The following AQP9 variants were observed in gnomAD, a reference collection of about 807,000 sequenced individuals.
The protein encoded by AQP9 is aquaporin 9, also known as aquaporin-9.
Under a neutral mutation model 23.8 loss-of-function variants are expected in AQP9, and 19 were observed. The observed-to-expected ratio is 0.80, with a 90% CI of 0.56 to 1.17. AQP9 has a LOEUF of 1.17. Ranked by LOEUF, AQP9 falls within the 50% of genes most tolerant of loss-of-function variation. The pLI, the probability that AQP9 is intolerant of heterozygous loss-of-function variation, is 0.00. For missense variants in AQP9, 413 were observed against 362.0 expected, an observed-to-expected ratio of 1.14 and a Z score of -1.14; for synonymous variants, 153 against 131.5, an observed-to-expected ratio of 1.16 and a Z score of -1.12.
intron 1 of AQP9, among the ~76,000 whole-genome samples, chr15:58,141,330 C>G (rs1477728533): frequency 1.3e-5 from 2 of 152,212 alleles, no homozygotes; most frequent in African/African-American, 2.4e-5. Context: ...GCTGTATTTC[C>G]TCCTGAGGTG....
At position 58,184,964 on chromosome 15, in the gene AQP9, G is replaced by C. The variant is rs1161320354; in HGVS notation, c.*829G>C. 6.6e-6 allele frequency: 1 copy of C among 152,132 alleles called. No individual in the cohort carries two copies. Among genetic ancestry groups the C allele is most frequent in the Non-Finnish European group, 1.5e-5 (1 of 68,022 alleles). The allele number at this position is 152,132 out of a possible 1,614,324, so 9.4% of individuals were successfully genotyped here. A position where few individuals can be genotyped will look rare whatever the true frequency, so the allele number is the denominator to read the frequency against. On this transcript the variant is annotated 3_prime_UTR_variant, in exon 6 of 6. Coordinates refer to ENST00000219919, the MANE Select transcript of AQP9 (RefSeq NM_020980.5). ...TTTCCTAATTGCCCACTTGAGAACA[G>C]ACATTTGACAAGTTATATCAACGAC... is the stretch of plus-strand genomic sequence containing the variant.
intron 1 of AQP9, among the ~76,000 whole-genome samples, chr15:58,163,337 A>G (rs1434095493): frequency 1.3e-5 from 2 of 152,198 alleles, no homozygotes; most frequent in African/African-American, 4.8e-5. Flanking sequence ...AAAAGTCTGT[A>G]GGCCTGCAGA....
At chr15:58,180,412 A>G (rs1323959498) in intron 5 of AQP9, among the ~76,000 whole-genome samples, 2 of 152,214 alleles carry the variant, frequency 1.3e-5, no homozygotes, top group African/African-American at 4.8e-5. Flanking sequence ...GATCACCACC[A>G]CAGATAGCAC....
At position 58,167,350 on chromosome 15, in the gene AQP9, G is replaced by A. The variant is rs549949081; in HGVS notation, c.238+551G>A. Among the ~76,000 whole-genome samples the A allele has an allele frequency of 2.6e-5, 4 of 152,338 alleles. No homozygotes were observed. The East Asian group carries it at 7.7e-4, about 29-fold the overall frequency. Reference sequence around the variant, plus strand: ...CAAAATGAAATGATAATTTAATGCAGTCTGGGCACTTAGGAAGCGACTGTG... The same window carrying A: ...CAAAATGAAATGATAATTTAATGCAATCTGGGCACTTAGGAAGCGACTGTG... On this transcript the variant is annotated intron_variant, in intron 2 of 5. Transcript: ENST00000219919.
At chr15:58,174,847 C>G in intron 3 of AQP9, 71 bp from the exon 4 acceptor site, 1 of 1,309,812 alleles carries the variant, frequency 7.6e-7, no homozygotes, top group South Asian at 1.2e-5. Flanking sequence ...TTGTTTAGCA[C>G]AAGGCTTGGC....
chr15:58,161,944 A>G (rs763683586), intron 1 of AQP9, among the ~76,000 whole-genome samples: 5 of 152,224 alleles, frequency 3.3e-5, no homozygotes, highest in Non-Finnish European at 7.3e-5. Flanking sequence ...TCTGTTATTC[A>G]ATTACATCCA....
chr15:58,166,662 T>C lies in AQP9; in HGVS notation c.112-11T>C. ...TCCCCACTTACCTGTTGAGTTTTCCTCTCATTCCAGGTCCTTGGATGTGGC... is the reference window on the plus strand; with the variant it reads ...TCCCCACTTACCTGTTGAGTTTTCCCCTCATTCCAGGTCCTTGGATGTGGC... On this transcript the variant is annotated splice_polypyrimidine_tract_variant and intron_variant, in intron 1 of 5. Transcript: ENST00000219919. The C allele has an allele frequency of 6.2e-7, 1 of 1,604,892 alleles. No homozygotes were observed. Among genetic ancestry groups the C allele is most frequent in the Non-Finnish European group, 8.5e-7 (1 of 1,175,730 alleles).
At chr15:58,178,752 C>G (rs904460950) in intron 4 of AQP9, among the ~76,000 whole-genome samples, 2 of 152,158 alleles carry the variant, frequency 1.3e-5, no homozygotes, top group South Asian at 2.1e-4. Flanking sequence ...TTTGAACAAG[C>G]CTTTCATTCA....
intron 1 of AQP9, among the ~76,000 whole-genome samples, chr15:58,147,741 TA>T (rs775379082): frequency 6.6e-6 from 1 of 152,014 alleles, no homozygotes; most frequent in Non-Finnish European, 1.5e-5. Context: ...GGTGATTGGT[TA>T]AAAAAATGGG....
intron 1 of AQP9, among the ~76,000 whole-genome samples, chr15:58,145,145 C>T (rs1898021829): frequency 6.6e-6 from 1 of 151,850 alleles, no homozygotes; most frequent in Admixed American, 6.6e-5. Context: ...TTATGTCCTC[C>T]TATTGAGTTG....
chr15:58,182,125 A>G (rs1435289733), intron 5 of AQP9, among the ~76,000 whole-genome samples: 1 of 151,926 alleles, frequency 6.6e-6, no homozygotes, highest in Non-Finnish European at 1.5e-5. Flanking sequence ...CTGGCCAAAG[A>G]CTCTTGGTTT....
intron 2 of AQP9, among the ~76,000 whole-genome samples, chr15:58,170,650 G>A (rs752306909): frequency 6.6e-6 from 1 of 151,940 alleles, no homozygotes; most frequent in African/African-American, 2.4e-5. Flanking sequence ...TGATCCACTC[G>A]CCTTGGCCTC....
At chr15:58,164,689 T>C (rs1052103460) in intron 1 of AQP9, among the ~76,000 whole-genome samples, 11 of 152,126 alleles carry the variant, frequency 7.2e-5, no homozygotes, top group African/African-American at 2.2e-4. Flanking sequence ...CTCTGCTTGC[T>C]AAGACAAGTG....
At chr15:58,166,848 G>A in intron 2 of AQP9, 49 bp downstream of exon 2, 2 of 1,602,174 alleles carry the variant, frequency 1.2e-6, no homozygotes, top group South Asian at 1.1e-5. Context: ...CCACTCCAAT[G>A]TGCCCGCACA....
At chr15:58,145,864 A>G (rs1163719702) in intron 1 of AQP9, among the ~76,000 whole-genome samples, 4 of 152,102 alleles carry the variant, frequency 2.6e-5, no homozygotes, top group African/African-American at 7.2e-5. Flanking sequence ...GAATGTGTCT[A>G]TTTCATGCTC....
chr15:58,145,513 A>G (rs1487100864), intron 1 of AQP9, among the ~76,000 whole-genome samples: 1 of 151,712 alleles, frequency 6.6e-6, no homozygotes, highest in South Asian at 2.1e-4. Flanking sequence ...TTACCCATAT[A>G]TATATATATT....
intron 4 of AQP9, among the ~76,000 whole-genome samples, chr15:58,177,110 A>G (rs1898776445): frequency 6.6e-6 from 1 of 152,244 alleles, no homozygotes; most frequent in South Asian, 2.1e-4. Context: ...GCCAATTATC[A>G]GTCAGTCAAC....
At position 58,138,616 on chromosome 15, in the gene AQP9, C is replaced by T; in HGVS notation, c.51C>T (p.Val17=). ...GAAAAAGCTTCAAGCAGAGACTGGT[C>T]TTGAAGAGCAGCTTAGCGAAAGAAA... is the stretch of plus-strand genomic sequence containing the variant. ...EKGKSFKQRL[V]LKSSLAKETL... Residue 17 remains valine (V), a synonymous_variant, in exon 1 of 6, where the codon GTC becomes GTT. Transcript: ENST00000219919. The T allele has an allele frequency of 6.2e-7, 1 of 1,613,912 alleles. No individual in the cohort carries two copies. The highest frequency in any genetic ancestry group is 1.1e-5 in the South Asian group (1 of 91,068).
intron 1 of AQP9, among the ~76,000 whole-genome samples, chr15:58,149,424 C>T (rs905449754): frequency 3.9e-5 from 6 of 152,184 alleles, no homozygotes; most frequent in African/African-American, 1.4e-4. Flanking sequence ...ACCTTGGCCC[C>T]AGCACGTACC....
Sources: allele counts gnomAD v4.1 joint callset (sites outside exome capture counted in the v4.1 genomes callset), GRCh38; gene constraint gnomAD v4.1.1; transcripts MANE v1.5; gene names NCBI Gene and HGNC (gene_info 2026-07-23, HGNC 2026-07-21).